The following PAX2 variants were observed in gnomAD, a reference collection of about 807,000 sequenced individuals.
PAX2 encodes paired box protein Pax-2.
A neutral mutation model predicts 41.7 loss-of-function variants in PAX2; 9 were observed. The observed-to-expected ratio is 0.22, with a 90% confidence interval of 0.13 to 0.38. PAX2 has a LOEUF of 0.38. Among genes scored for constraint, PAX2 ranks in the 10% least tolerant of loss-of-function variants. The pLI is 1.00. For missense variants in PAX2, 418 were observed against 531.6 expected (o/e 0.79, Z 2.10); for synonymous variants, 221 against 212.7 (o/e 1.04, Z -0.34).
chr10:100,806,180 C>T (rs563645251), intron 5 of PAX2, among the ~76,000 whole-genome samples: 3 of 152,320 alleles, frequency 2.0e-5, no homozygotes, highest in Admixed American at 1.3e-4. Flanking sequence ...CTTCCTGACC[C>T]CACAGTGTGA....
intron 8 of PAX2, among the ~76,000 whole-genome samples, chr10:100,825,326 A>G (rs1848512194): frequency 6.6e-6 from 1 of 152,056 alleles, no homozygotes; most frequent in Non-Finnish European, 1.5e-5. Flanking sequence ...GACAGGCTAG[A>G]ACACCCCTAT....
At chr10:100,795,027 G>A (rs991783620) in intron 5 of PAX2, among the ~76,000 whole-genome samples, 2 of 152,186 alleles carry the variant, frequency 1.3e-5, no homozygotes, top group East Asian at 1.9e-4. Flanking sequence ...ACACAGGAAA[G>A]CCACATGGCC....
In PAX2 at chr10:100,824,699, C is replaced by T. The variant is rs148926368; in HGVS notation, c.971C>T (p.Pro324Leu). The T allele has an allele frequency of 6.2e-7, 1 of 1,611,670 alleles. No homozygotes were observed. Among genetic ancestry groups the T allele is most frequent in the Non-Finnish European group, 8.5e-7 (1 of 1,177,792 alleles). ...TLPGYPPHVP[P>L]TGQGSYPTST... ...CCTGGTTACCCCCCTCACGTGCCCC[C>T]CACTGGCCAGGGAAGCTACCCCACC... The change falls in exon 8 of 10, where the codon CCC (proline) becomes CTC (leucine). Residue 324 changes from proline to leucine, a missense_variant. This residue lies in a region of PAX2 where 310 missense variants were observed against 325.2 expected (regional missense o/e 0.95). Transcript: ENST00000355243. This position sits in a 1 kb window ranked among gnomAD's most constrained non-coding sequence, Gnocchi z 6.6.
upstream of PAX2, among the ~76,000 whole-genome samples, chr10:100,742,700 C>T (rs1033321573): frequency 6.6e-6 from 1 of 152,036 alleles, no homozygotes; most frequent in African/African-American, 2.4e-5. Context: ...GGAAGGGCCG[C>T]TTTGAAAACA....
upstream of PAX2, among the ~76,000 whole-genome samples, chr10:100,744,612 C>A (rs1380421823): frequency 6.6e-6 from 1 of 152,214 alleles, no homozygotes. Context: ...GCGTCCGCAG[C>A]CTCCTCTTCT....
intron 7 of PAX2, among the ~76,000 whole-genome samples, chr10:100,813,683 G>A (rs941910938): frequency 2.0e-5 from 3 of 152,166 alleles, no homozygotes; most frequent in African/African-American, 4.8e-5. Context: ...ACATGGAGAC[G>A]CCAAGCCTGA....
intron 5 of PAX2, among the ~76,000 whole-genome samples, chr10:100,794,204 AGT>A (rs1847241331): frequency 6.6e-6 from 1 of 152,254 alleles, no homozygotes; most frequent in South Asian, 2.1e-4. Context: ...AGAGATGGAC[AGT>A]GGCCATTGTT....
In PAX2 at chr10:100,779,507, G is replaced by A. The variant is rs1464093283; in HGVS notation, c.420G>A (p.Arg140=). ...TGTGACGCTGTTGCAGAATCATCCG[G>A]ACCAAAGTTCAGCAGCCTTTCCACC... ...PSVSSINRII[R]TKVQQPFHPT... The change falls in exon 4 of 10, where the codon CGG becomes CGA. Residue 140 remains arginine (R), a synonymous_variant. Transcript: ENST00000355243. 6.3e-7 allele frequency: 1 copy of A among 1,592,898 alleles called. No individual in the cohort carries two copies. The highest frequency in any genetic ancestry group is 1.8e-5 in the Admixed American group (1 of 56,826).
At chr10:100,777,857 T>C (rs966936230) in intron 3 of PAX2, among the ~76,000 whole-genome samples, 28 of 152,242 alleles carry the variant, frequency 1.8e-4, no homozygotes, top group African/African-American at 6.5e-4. Flanking sequence ...AGATGTTCAG[T>C]AAGTGGAAAA....
chr10:100,812,617 C>T (rs1285506849), intron 7 of PAX2, among the ~76,000 whole-genome samples: 1 of 152,228 alleles, frequency 6.6e-6, no homozygotes, highest in Non-Finnish European at 1.5e-5. Context: ...GGCTTCATTC[C>T]TTAAAGTCTC....
intron 5 of PAX2, among the ~76,000 whole-genome samples, chr10:100,789,391 C>T (rs151125296): frequency 2.0e-5 from 3 of 152,288 alleles, no homozygotes; most frequent in Non-Finnish European, 2.9e-5. Context: ...CAGGCATGAG[C>T]GACTGTGCCC....
chr10:100,780,426 T>C (rs1051872391), intron 4 of PAX2, among the ~76,000 whole-genome samples: 1 of 152,180 alleles, frequency 6.6e-6, no homozygotes, highest in African/African-American at 2.4e-5. Flanking sequence ...GCTGCTCCTC[T>C]TGGCAGTTGT....
intron 6 of PAX2, among the ~76,000 whole-genome samples, chr10:100,808,274 A>G (rs1041706912): frequency 6.6e-6 from 1 of 152,150 alleles, no homozygotes; most frequent in Non-Finnish European, 1.5e-5. Context: ...AGGAAGATCA[A>G]TACGAGAAGG....
At position 100,764,363 on chromosome 10, in the gene PAX2, C is replaced by T. The variant is rs138041450; in HGVS notation, c.410+13472C>T. On this transcript the variant is annotated intron_variant, in intron 3 of 9. Coordinates refer to ENST00000355243, the MANE Select transcript of PAX2 (RefSeq NM_000278.5). ...TTTCACCTGTTAGCCAGGATGGTCTCGATCTCCTGACCTTGTGATCCACCC... is the reference window on the plus strand; with the variant it reads ...TTTCACCTGTTAGCCAGGATGGTCTTGATCTCCTGACCTTGTGATCCACCC... Among the ~76,000 whole-genome samples the T allele has an allele frequency of 5.0e-3, 767 of 152,128 alleles. 11 individuals are homozygous for T. The highest frequency in any genetic ancestry group is 0.018 in the African/African-American group (735 of 41,492).
rs1847134671 is a variant in PAX2, at chr10:100,791,916, C to G, written c.616+10551C>G. ...TGGGGCAGCCAGCTTGTAGGAGCCG[C>G]CTGGGTGAGGGACAGTGTGGGTGGT... is the stretch of plus-strand genomic sequence containing the variant. On this transcript the variant is annotated intron_variant, in intron 5 of 9. Transcript: ENST00000355243. This position sits in a 1 kb window ranked among gnomAD's most constrained non-coding sequence, Gnocchi z 4.5. Among the ~76,000 whole-genome samples, 1 of 152,168 alleles carries G rather than the reference C, an allele frequency of 6.6e-6. No individual in the cohort carries two copies. The highest frequency in any genetic ancestry group is 1.5e-5 in the Non-Finnish European group (1 of 68,030).
chr10:100,809,085 C>A (rs1184851881), intron 6 of PAX2, 25 bp from the exon 7 acceptor site: 4 of 1,609,684 alleles, frequency 2.5e-6, no homozygotes, highest in Non-Finnish European at 3.4e-6. Flanking sequence ...CAATAGAGAG[C>A]TGTCACTTTT....
chr10:100,806,658 G>T (rs1271581900), intron 6 of PAX2, 53 bp downstream of exon 6: 6 of 1,549,806 alleles, frequency 3.9e-6, no homozygotes, highest in Non-Finnish European at 5.3e-6. Context: ...GCAGAGCAAG[G>T]CCTCTCAAAA....
chr10:100,795,912 G>C (rs1340424245), intron 5 of PAX2, among the ~76,000 whole-genome samples: 1 of 152,238 alleles, frequency 6.6e-6, no homozygotes, highest in Non-Finnish European at 1.5e-5. Context: ...GAGAAGTTCT[G>C]CCTTCTCTCT....
intron 8 of PAX2, among the ~76,000 whole-genome samples, chr10:100,825,155 G>C (rs1235583706): frequency 2.0e-5 from 3 of 152,094 alleles, no homozygotes; most frequent in African/African-American, 7.2e-5. Flanking sequence ...CCAGGGGCAT[G>C]TCAGTCACTC....
Sources: gnomAD v4.1 joint callset for allele counts (sites outside exome capture counted in the v4.1 genomes callset) on GRCh38, gnomAD v4.1.1 for gene constraint, gnomAD v4.1.1 regional missense constraint, Gnocchi (gnomAD v3.1) non-coding constraint, MANE v1.5 for transcripts, NCBI Gene and HGNC (gene_info 2026-07-23, HGNC 2026-07-21) for gene names.